Variants in CPQ observed in about 807,000 individuals in gnomAD.
The protein encoded by CPQ is Ser-Met dipeptidase.
Under a neutral mutation model 45.7 loss-of-function variants are expected in CPQ, and 37 were observed. That is an observed-to-expected ratio of 0.81 (90% CI 0.62 to 1.07). CPQ has a LOEUF of 1.07. Among genes scored for constraint, CPQ ranks in the 50% least tolerant of loss-of-function variants. The pLI is 0.00. For synonymous variants in CPQ, 186 were observed against 205.8 expected, an observed-to-expected ratio of 0.90 and a Z score of 0.82; for missense variants, 537 against 572.9, an observed-to-expected ratio of 0.94 and a Z score of 0.64.
intron 1 of CPQ, among the ~76,000 whole-genome samples, chr8:96,653,843 A>G (rs1273052935): frequency 1.3e-5 from 2 of 152,156 alleles, no homozygotes; most frequent in Admixed American, 1.3e-4. Flanking sequence ...GGAAGAAGCG[A>G]GGAGGTGAAA....
At chr8:97,076,304 A>T (rs1329928443) in intron 7 of CPQ, among the ~76,000 whole-genome samples, 2 of 152,158 alleles carry the variant, frequency 1.3e-5, no homozygotes, top group Non-Finnish European at 2.9e-5. Context: ...GATTACAGTC[A>T]TGAGCCACTG....
chr8:96,934,562 T>G (rs1813019260), intron 4 of CPQ, among the ~76,000 whole-genome samples: 3 of 152,160 alleles, frequency 2.0e-5, no homozygotes, highest in Non-Finnish European at 4.4e-5. Flanking sequence ...TCAGGACTGG[T>G]TCTGGGAAAA....
chr8:96,970,920 G>C (rs540327051), intron 5 of CPQ, among the ~76,000 whole-genome samples: 51 of 152,234 alleles, frequency 3.4e-4, no homozygotes, highest in South Asian at 1.0e-3. Flanking sequence ...TCTGTTTCTA[G>C]GAACACTCAT....
intron 4 of CPQ, among the ~76,000 whole-genome samples, chr8:96,937,923 G>T (rs774275448): frequency 5.9e-5 from 9 of 152,140 alleles, no homozygotes; most frequent in Admixed American, 4.6e-4. Context: ...TGAGATAAAA[G>T]GAAGTTGGTT....
At chr8:96,936,976 TC>T (rs1217848258) in intron 4 of CPQ, among the ~76,000 whole-genome samples, 3 of 152,032 alleles carry the variant, frequency 2.0e-5, no homozygotes, top group Non-Finnish European at 2.9e-5. Context: ...CTTCCTTCCT[TC>T]CTCCCTCTCT....
chr8:96,882,212 C>T (rs574386246), intron 4 of CPQ, among the ~76,000 whole-genome samples: 1 of 152,334 alleles, frequency 6.6e-6, no homozygotes, highest in Admixed American at 6.5e-5. Context: ...TGGGCATCAA[C>T]CATGGCTTTT....
chr8:96,758,370 C>A (rs1810353517), intron 1 of CPQ, among the ~76,000 whole-genome samples: 1 of 151,978 alleles, frequency 6.6e-6, no homozygotes, highest in South Asian at 2.1e-4. Context: ...TTTTTGAGAC[C>A]AGAATGGAAG....
intron 1 of CPQ, among the ~76,000 whole-genome samples, chr8:96,779,856 G>A (rs1808438572): frequency 6.6e-6 from 1 of 152,086 alleles, no homozygotes; most frequent in Admixed American, 6.6e-5. Flanking sequence ...TTAAAAACAA[G>A]TATCAGTATA....
rs150330279 is a variant in CPQ at position 96,988,290 on chromosome 8, C to T, written c.961+22244C>T. ...CATTGCATTTAACTTTTTAATAAATCGTATGCCTACTAATTTACAGAAGCC... is the reference window on the plus strand; with the variant it reads ...CATTGCATTTAACTTTTTAATAAATTGTATGCCTACTAATTTACAGAAGCC... On this transcript the variant is annotated intron_variant, in intron 5 of 7. Coordinates refer to ENST00000220763, the MANE Select transcript of CPQ (RefSeq NM_016134.4). Among the ~76,000 whole-genome samples, 6 of 152,202 alleles carry T rather than the reference C, an allele frequency of 3.9e-5. No homozygotes were observed. The East Asian group carries it at 1.2e-3, about 29-fold the overall frequency.
At chr8:97,015,492 G>A (rs1809563481) in intron 5 of CPQ, among the ~76,000 whole-genome samples, 1 of 151,560 alleles carries the variant, frequency 6.6e-6, no homozygotes, top group Admixed American at 6.6e-5. Context: ...TCTCAATCAA[G>A]GTAAAATAGA....
intron 2 of CPQ, among the ~76,000 whole-genome samples, chr8:96,822,167 C>T (rs1488528152): frequency 6.6e-6 from 1 of 151,946 alleles, no homozygotes; most frequent in Non-Finnish European, 1.5e-5. Context: ...TCTTTGTGTG[C>T]CTGGCCTATT....
chr8:96,743,096 G>A (rs1292331116), intron 1 of CPQ, among the ~76,000 whole-genome samples: 5 of 152,226 alleles, frequency 3.3e-5, no homozygotes, highest in African/African-American at 7.2e-5. Flanking sequence ...CATTCTCCCG[G>A]TCACTTTCAG....
At chr8:97,022,996 CAGTATATATATACTATATAT>C (rs1206830979) in intron 5 of CPQ, among the ~76,000 whole-genome samples, 8 of 143,364 alleles carry the variant, frequency 5.6e-5, no homozygotes, top group East Asian at 2.0e-4. Flanking sequence ...TATATATATA[CAGTATATATATACTATATAT>C]AGTATATATA....
chr8:96,689,678 G>GA (rs11410233), intron 1 of CPQ, among the ~76,000 whole-genome samples: 3,689 of 152,200 alleles, frequency 0.024, 166 homozygotes, highest in African/African-American at 0.084. Context: ...CTCTAGATGG[G>GA]AAAAATTATG....
chr8:97,028,000 G>C (rs1195919975), intron 5 of CPQ, among the ~76,000 whole-genome samples: 1 of 152,196 alleles, frequency 6.6e-6, no homozygotes, highest in Admixed American at 6.5e-5. Context: ...CAACTGCGGG[G>C]CTTGGACCAC....
At chr8:96,885,890 G>T (rs1474607113) in intron 4 of CPQ, among the ~76,000 whole-genome samples, 1 of 152,040 alleles carries the variant, frequency 6.6e-6, no homozygotes, top group East Asian at 1.9e-4. Context: ...TACTGGAGAG[G>T]CTGAGGCAGA....
chr8:96,681,578 T>C (rs2514771), intron 1 of CPQ, among the ~76,000 whole-genome samples: 107,909 of 152,170 alleles, frequency 0.71, 38,681 homozygotes, highest in Middle Eastern at 0.82. Context: ...ACTTCTGCCA[T>C]GGCAGTGTGG....
At chr8:96,900,238 A>G (rs925841483) in intron 4 of CPQ, among the ~76,000 whole-genome samples, 1 of 152,150 alleles carries the variant, frequency 6.6e-6, no homozygotes, top group African/African-American at 2.4e-5. Context: ...TGGAATGTGT[A>G]AGTTAACAAT....
chr8:96,671,308 A>C (rs1425863807), intron 1 of CPQ, among the ~76,000 whole-genome samples: 1 of 152,228 alleles, frequency 6.6e-6, no homozygotes, highest in Non-Finnish European at 1.5e-5. Context: ...TTTAGAGTAC[A>C]TATAAAAAAG....
Sources: gnomAD v4.1 joint callset for allele counts (sites outside exome capture counted in the v4.1 genomes callset) on GRCh38, gnomAD v4.1.1 for gene constraint, MANE v1.5 for transcripts, NCBI Gene and HGNC (gene_info 2026-07-23, HGNC 2026-07-21) for gene names.